Variants in CEACAM19 observed in about 807,000 individuals in gnomAD.
The protein encoded by CEACAM19 is CEA cell adhesion molecule 19, also known as cell adhesion molecule CEACAM19.
Under a neutral mutation model 37.6 loss-of-function variants are expected in CEACAM19, and 37 were observed. That is an observed-to-expected ratio of 0.98 (90% CI 0.76 to 1.29). CEACAM19 has a LOEUF of 1.29. Ranked by LOEUF, CEACAM19 falls within the 50% of genes most tolerant of loss-of-function variation. The pLI, the probability that CEACAM19 is intolerant of heterozygous loss-of-function variation, is 0.00. For missense variants in CEACAM19, 340 were observed against 375.6 expected, an observed-to-expected ratio of 0.91 and a Z score of 0.78; for synonymous variants, 140 against 149.8, an observed-to-expected ratio of 0.93 and a Z score of 0.48.
At position 44,678,892 on chromosome 19, in the gene CEACAM19, GT is replaced by G. The variant is rs767123178; in HGVS notation, c.616del (p.Cys206AlafsTer10). ...PRGQGSLSIL[C>X]SAVSPVPSVT... ...GGGGCCAGGGATCTCTGTCCATCTT[GT>G]GCTCGGCTGTATCCCCAGTGCCTTC... is the stretch of plus-strand genomic sequence containing the variant. On this transcript the variant is annotated frameshift_variant, in exon 4 of 8. Transcript: ENST00000358777. LOFTEE classifies it high-confidence loss of function. 1 of 1,613,894 alleles carries G rather than the reference GT, an allele frequency of 6.2e-7. No individual in the cohort carries two copies. Among genetic ancestry groups the G allele is most frequent in the Non-Finnish European group, 8.5e-7 (1 of 1,179,966 alleles).
rs143178222 is a variant in CEACAM19 at position 44,676,234 on chromosome 19, C to T, written c.425-37C>T. ...GGGGGAGCCCTCAGGAGACATCGCA[C>T]AGTCCCCCCTCTCTCTTTCTTTCTC... is the stretch of plus-strand genomic sequence containing the variant. On this transcript the variant is annotated intron_variant, in intron 2 of 7. Coordinates refer to ENST00000358777, the MANE Select transcript of CEACAM19 (RefSeq NM_001127893.3). 7.2e-5 allele frequency: 116 copies of T among 1,606,204 alleles called. 1 individual carries two copies. In the Middle Eastern group the frequency reaches 1.0e-3, roughly 14 times the overall value.
chr19:44,668,608 A>G (rs1184652164), upstream of CEACAM19, among the ~76,000 whole-genome samples: 12 of 75,442 alleles, frequency 1.6e-4, no homozygotes, highest in South Asian at 3.5e-3. Context: ...CATATTATAT[A>G]TGTATATAAT....
At position 44,683,599 on chromosome 19, in the gene CEACAM19, G is replaced by T; in HGVS notation, c.*109G>T. 1.6e-6 allele frequency: 1 copy of T among 644,562 alleles called. No homozygotes were observed. The highest frequency in any genetic ancestry group is 4.4e-4 in the Middle Eastern group (1 of 2,294). 39.9% of individuals were successfully genotyped at this position (644,562 alleles called of 1,614,324 possible). On this transcript the variant is annotated 3_prime_UTR_variant, in exon 8 of 8. Transcript: ENST00000358777. Reference sequence around the variant, plus strand: ...GGCCATTGGGGGCTGTGGGGCCGATGAGGTGGACTCAGCCAAAGACTCAGC... The same window carrying T: ...GGCCATTGGGGGCTGTGGGGCCGATTAGGTGGACTCAGCCAAAGACTCAGC...
At chr19:44,667,849 CAA>C (rs1460537690), upstream of CEACAM19, among the ~76,000 whole-genome samples, 9 of 57,288 alleles carry the variant, frequency 1.6e-4, no homozygotes, top group South Asian at 5.7e-4. Context: ...ATAATATATA[CAA>C]TATATATAAA....
intron 3 of CEACAM19, among the ~76,000 whole-genome samples, chr19:44,677,343 T>C (rs1444216091): frequency 6.6e-6 from 1 of 151,718 alleles, no homozygotes; most frequent in Non-Finnish European, 1.5e-5. Flanking sequence ...GTAGACCGGC[T>C]CTCCAAAGGA....
At chr19:44,681,855 A>C (rs1974066854) in intron 6 of CEACAM19, among the ~76,000 whole-genome samples, 1 of 151,976 alleles carries the variant, frequency 6.6e-6, no homozygotes. Context: ...GCTTGAACCC[A>C]GGAGGTGGAG....
At position 44,681,230 on chromosome 19, in the gene CEACAM19, A is replaced by T. The variant is rs760426203; in HGVS notation, c.710A>T (p.Asp237Val). ...PELGPAHDAG[D>V]NNIYEVMPSP... Reference sequence around the variant, plus strand: ...CCTCCCCTGGCCTCTGTTTCAGGTGACAACAACATCTATGAAGTGATGCCC... The same window carrying T: ...CCTCCCCTGGCCTCTGTTTCAGGTGTCAACAACATCTATGAAGTGATGCCC... The change falls in exon 6 of 8, where the codon GAC (aspartate) becomes GTC (valine). Residue 237 changes from aspartate (D) to valine (V), a missense_variant. Physicochemically the swap from Asp to Val is radical, Grantham distance 152. Transcript: ENST00000358777. 8.7e-6 allele frequency: 14 copies of T among 1,613,542 alleles called. No homozygotes were observed. The Admixed American group carries it at 1.3e-4, about 15-fold the overall frequency.
At position 44,671,897 on chromosome 19, in the gene CEACAM19, C is replaced by T. The variant is rs377101360; in HGVS notation, c.-35C>T. 11 of 1,582,880 alleles carry T rather than the reference C, an allele frequency of 6.9e-6. No homozygotes were observed. The highest frequency in any genetic ancestry group is 9.5e-6 in the Non-Finnish European group (11 of 1,161,930). On this transcript the variant is annotated 5_prime_UTR_variant, in exon 1 of 8. Transcript: ENST00000358777. ...CCCCTCTGGCCCCCTTAGTGTCCAG[C>T]TCGTGGCCCCTTGGCATTTCCACAA...
chr19:44,676,944 A>G (rs570372455), intron 3 of CEACAM19, among the ~76,000 whole-genome samples: 12 of 152,290 alleles, frequency 7.9e-5, no homozygotes, highest in African/African-American at 1.9e-4. Context: ...TTAATACTAC[A>G]TAACTTATTC....
Position 44,672,628 on chromosome 19 carries a change from T to A in CEACAM19, c.88T>A (p.Ser30Thr). 2.0e-6 allele frequency: 3 copies of A among 1,490,036 alleles called. No homozygotes were observed. The highest frequency in any genetic ancestry group is 2.7e-6 in the Non-Finnish European group (3 of 1,118,884). 92.3% of individuals were successfully genotyped at this position (1,490,036 alleles called of 1,614,324 possible). The change falls in exon 2 of 8, where the codon TCC (serine) becomes ACC (threonine). Residue 30 changes from serine to threonine, a missense_variant. By Grantham distance (58) the Ser-to-Thr change is moderately conservative (BLOSUM62 1). Transcript: ENST00000358777. The stretch of plus-strand genomic sequence containing the variant: ...CCTGGTCCTCTGGATGCTCCAAGGC[T>A]CCCAGGCAGCTCTCTACATCCAGAA... ...SILVLWMLQGSQAALYIQKIP... is the reference protein window; with the variant it reads ...SILVLWMLQGTQAALYIQKIP...
At chr19:44,676,575 C>T (rs957040704) in intron 3 of CEACAM19, among the ~76,000 whole-genome samples, 154 bp downstream of exon 3, 1 of 152,174 alleles carries the variant, frequency 6.6e-6, no homozygotes, top group South Asian at 2.1e-4. Flanking sequence ...CTGTATTAAA[C>T]AGAATTCTGC....
intron 3 of CEACAM19, among the ~76,000 whole-genome samples, chr19:44,677,077 C>T (rs1973962596): frequency 6.6e-6 from 1 of 152,148 alleles, no homozygotes; most frequent in African/African-American, 2.4e-5. Context: ...CAAGATCACT[C>T]CCAGGGGGCC....
At chr19:44,682,924 G>A (rs909729546) in intron 7 of CEACAM19, 36 of 360,654 alleles carry the variant, frequency 1.0e-4, no homozygotes, top group African/African-American at 6.5e-4. Flanking sequence ...AGCCAGTCAG[G>A]TCCCCAGTGA....
rs1407502678 is a variant in CEACAM19 at position 44,680,350 on chromosome 19, C to T, written c.706+16C>T. 1 of 1,608,106 alleles carries T rather than the reference C, an allele frequency of 6.2e-7. No homozygotes were observed. The highest frequency in any genetic ancestry group is 1.7e-5 in the Admixed American group (1 of 59,930). On this transcript the variant is annotated intron_variant, in intron 5 of 7. Transcript: ENST00000358777. ...CATGATGCTGGTAAGGCGGGAGCCC[C>T]AGATCTCACTACCTAGCCCTCCTCT...
chr19:44,681,095 CACTGG>C, intron 5 of CEACAM19, 127 bp from the exon 6 acceptor site: 1 of 672,112 alleles, frequency 1.5e-6, no homozygotes, highest in Non-Finnish European at 2.6e-6. Context: ...GTGTCCCCAG[CACTGG>C]GTTTGGCTAG....
chr19:44,672,096 A>G, intron 1 of CEACAM19, 110 bp downstream of exon 1: 1 of 893,728 alleles, frequency 1.1e-6, no homozygotes, highest in Non-Finnish European at 1.8e-6. Flanking sequence ...ATGAAATTAG[A>G]ATAAGATGGG....
At chr19:44,671,452 G>A (rs1347906093), upstream of CEACAM19, 1 of 391,238 alleles carries the variant, frequency 2.6e-6, no homozygotes, top group African/African-American at 2.1e-5. Context: ...TCAGCCACAG[G>A]TGAAATCCCA....
intron 2 of CEACAM19, among the ~76,000 whole-genome samples, chr19:44,674,110 G>A (rs1217950162): frequency 2.6e-5 from 4 of 152,002 alleles, no homozygotes; most frequent in Non-Finnish European, 5.9e-5. Flanking sequence ...GCTGGGCATG[G>A]TGGTAGATGC....
intron 7 of CEACAM19, chr19:44,682,885 G>A (rs1263829165): frequency 2.3e-6 from 1 of 430,884 alleles, no homozygotes; most frequent in East Asian, 4.7e-5. Context: ...AAGGCCCAGA[G>A]AGGGACAGGG....
Sources: allele counts gnomAD v4.1 joint callset (sites outside exome capture counted in the v4.1 genomes callset), GRCh38; gene constraint gnomAD v4.1.1; transcripts MANE v1.5; gene names NCBI Gene and HGNC (gene_info 2026-07-23, HGNC 2026-07-21).